ARAP2: variants seen among roughly 807,000 people sequenced by gnomAD.
ARAP2 encodes ArfGAP with RhoGAP domain, ankyrin repeat and PH domain 2, also known as arf-GAP with Rho-GAP domain, ANK repeat and PH domain-containing protein 2.
In ARAP2, 148 loss-of-function variants were observed where a neutral mutation model predicts 194.5. The ratio of observed to expected loss-of-function variants is 0.76; its 90% CI spans 0.67 to 0.87. The LOEUF is 0.87. Among genes scored for constraint, ARAP2 ranks in the 40% least tolerant of loss-of-function variants. ARAP2 has a pLI of 0.00. For missense variants in ARAP2, 2,128 were observed against 1,989.7 expected (o/e 1.07, Z -1.32); for synonymous variants, 695 against 683.5 (o/e 1.02, Z -0.26).
At chr4:36,011,609 A>G (rs1167121398) in intron 9 of ARAP2, among the ~76,000 whole-genome samples, 1 of 152,160 alleles carries the variant, frequency 6.6e-6, no homozygotes, top group African/African-American at 2.4e-5. Flanking sequence ...CACTTCTGGC[A>G]GGAAGGGAAT....
At chr4:36,018,207 A>G (rs1214789697) in intron 6 of ARAP2, among the ~76,000 whole-genome samples, 8 of 152,170 alleles carry the variant, frequency 5.3e-5, no homozygotes, top group Non-Finnish European at 8.8e-5. Flanking sequence ...GAGAAGACCC[A>G]AAAGTTATTG....
intron 8 of ARAP2, among the ~76,000 whole-genome samples, chr4:36,186,660 A>C (rs182470847): frequency 1.2e-3 from 182 of 152,348 alleles, no homozygotes; most frequent in African/African-American, 4.0e-3. Flanking sequence ...TATAGCCACC[A>C]CTGGCATTAC....
At chr4:36,055,138 T>C (rs1723279804) in intron 2 of ARAP2, among the ~76,000 whole-genome samples, 2 of 152,218 alleles carry the variant, frequency 1.3e-5, no homozygotes. Context: ...TGAGTGCATT[T>C]AAAATATTTT....
At chr4:36,049,907 T>C (rs1465927044) in intron 3 of ARAP2, among the ~76,000 whole-genome samples, 4 of 152,300 alleles carry the variant, frequency 2.6e-5, no homozygotes, top group African/African-American at 9.6e-5. Flanking sequence ...GAATTAAACA[T>C]GCATTATTAA....
At chr4:36,190,214 C>T (rs972819301) in intron 7 of ARAP2, among the ~76,000 whole-genome samples, 1 of 152,208 alleles carries the variant, frequency 6.6e-6, no homozygotes, top group Non-Finnish European at 1.5e-5. Flanking sequence ...GCCTTTCTGA[C>T]CAGCACATTC....
chr4:36,111,151 C>T (rs1373291574), intron 26 of ARAP2, among the ~76,000 whole-genome samples: 1 of 151,802 alleles, frequency 6.6e-6, no homozygotes, highest in Non-Finnish European at 1.5e-5. Flanking sequence ...TTTATATATT[C>T]ATTCATTCAT....
At chr4:36,077,518 C>T (rs144933760) in intron 31 of ARAP2, among the ~76,000 whole-genome samples, 11 of 152,134 alleles carry the variant, frequency 7.2e-5, no homozygotes, top group African/African-American at 2.4e-4. Flanking sequence ...AGGGTATATA[C>T]CACAGACAAC....
chr4:36,160,000 T>C (rs1733539180), intron 13 of ARAP2: 3 of 808,738 alleles, frequency 3.7e-6, no homozygotes, highest in Non-Finnish European at 4.5e-6. Flanking sequence ...GGGCCGAGGA[T>C]AGGAAGGAGG....
At chr4:36,201,061 G>A (rs1309244872) in intron 6 of ARAP2, among the ~76,000 whole-genome samples, 1 of 152,154 alleles carries the variant, frequency 6.6e-6, no homozygotes, top group African/African-American at 2.4e-5. Context: ...GAAGTTATTT[G>A]GTACTACATT....
chr4:36,049,780 A>G (rs1722373515), intron 3 of ARAP2, among the ~76,000 whole-genome samples: 1 of 152,188 alleles, frequency 6.6e-6, no homozygotes, highest in Non-Finnish European at 1.5e-5. Flanking sequence ...CAAAAAGCCA[A>G]TAAACATGGA....
rs138242544 is a variant in ARAP2 at position 36,229,311 on chromosome 4, C to T, written c.176G>A (p.Arg59Lys). 5.6e-6 allele frequency: 9 copies of T among 1,614,020 alleles called. No homozygotes were observed. Among genetic ancestry groups the T allele is most frequent in the African/African-American group, 4.0e-5 (3 of 75,022 alleles). ...IGISPTGHRR[R>K]ILKQLQIILS... ...GATTATCTGTAACTGTTTAAGTATC[C>T]TCCTACGGTGACCTGTAGGTGATAT... The change falls in exon 2 of 33, where the codon AGG becomes AAG. Residue 59 changes from arginine (R) to lysine (K), a missense_variant. By Grantham distance (26) the Arg-to-Lys change is conservative. Coordinates refer to ENST00000303965, the MANE Select transcript of ARAP2 (RefSeq NM_015230.4).
chr4:36,168,033 C>T lies in ARAP2; in HGVS notation c.1858-986G>A, dbSNP rs958009460. Among the ~76,000 whole-genome samples, 5 of 152,100 alleles carry T rather than the reference C, an allele frequency of 3.3e-5. 1 individual carries two copies. The South Asian group carries it at 6.2e-4, about 19-fold the overall frequency. On this transcript the variant is annotated intron_variant, in intron 9 of 32. Coordinates refer to ENST00000303965, the MANE Select transcript of ARAP2 (RefSeq NM_015230.4). ...AATACAAAAAAAAAAAAAATACTGG[C>T]CCATTTTCAGTAAGGACACTTGTTA...
At chr4:36,208,673 C>T (rs1158643968) in intron 6 of ARAP2, among the ~76,000 whole-genome samples, 1 of 152,206 alleles carries the variant, frequency 6.6e-6, no homozygotes, top group Non-Finnish European at 1.5e-5. Context: ...CTCGATTCTA[C>T]TTCTGATTTA....
intron 31 of ARAP2, among the ~76,000 whole-genome samples, chr4:36,075,719 C>T (rs192438312): frequency 6.6e-6 from 1 of 152,212 alleles, no homozygotes; most frequent in Admixed American, 6.6e-5. Flanking sequence ...TATTTTCTTG[C>T]TCCTTCGTTC....
intron 5 of ARAP2, among the ~76,000 whole-genome samples, chr4:36,037,615 A>T (rs931006506): frequency 6.6e-6 from 1 of 152,164 alleles, no homozygotes; most frequent in African/African-American, 2.4e-5. Context: ...CTGCACTAAA[A>T]CTAAGCAGGT....
At chr4:36,223,441 C>T (rs916845950) in intron 2 of ARAP2, among the ~76,000 whole-genome samples, 18 of 152,014 alleles carry the variant, frequency 1.2e-4, no homozygotes, top group African/African-American at 3.9e-4. Context: ...TATAAACAGT[C>T]GTTGCCTGTG....
chr4:36,075,119 CA>C (rs1560373594), intron 31 of ARAP2, among the ~76,000 whole-genome samples: 1 of 152,002 alleles, frequency 6.6e-6, no homozygotes. Context: ...GTGATGTTCC[CA>C]AAACATAAAC....
At chr4:36,075,570 G>C (rs1367831711) in intron 31 of ARAP2, among the ~76,000 whole-genome samples, 1 of 151,776 alleles carries the variant, frequency 6.6e-6, no homozygotes, top group Non-Finnish European at 1.5e-5. Context: ...TTCACTCCTT[G>C]AGACCTCCAA....
chr4:36,055,844 G>A (rs779300937), intron 2 of ARAP2, among the ~76,000 whole-genome samples: 5 of 152,260 alleles, frequency 3.3e-5, no homozygotes, highest in Middle Eastern at 3.4e-3. Context: ...GATTACAGGC[G>A]TGAGCCACTG....
Sources: gnomAD v4.1 joint callset for allele counts (sites outside exome capture counted in the v4.1 genomes callset) on GRCh38, gnomAD v4.1.1 for gene constraint, MANE v1.5 for transcripts, NCBI Gene and HGNC (gene_info 2026-07-23, HGNC 2026-07-21) for gene names.